Variants in SLC7A9 observed in about 807,000 individuals in gnomAD.
SLC7A9 encodes the protein B(0,+)-type amino acid transporter 1.
Under a neutral mutation model 54.1 loss-of-function variants are expected in SLC7A9, and 38 were observed. The ratio of observed to expected loss-of-function variants is 0.70; its 90% confidence interval spans 0.54 to 0.92. The LOEUF is 0.92. SLC7A9 is among the 40% of genes least tolerant of loss of function. SLC7A9 has a pLI of 0.00. For synonymous variants in SLC7A9, 264 were observed against 258.9 expected (o/e 1.02, Z -0.19); for missense variants, 537 against 636.1 (o/e 0.84, Z 1.68).
At chr19:32,850,712 C>G (rs1001270202) in intron 9 of SLC7A9, among the ~76,000 whole-genome samples, 4 of 152,156 alleles carry the variant, frequency 2.6e-5, no homozygotes, top group Non-Finnish European at 5.9e-5. Flanking sequence ...GCCTGCATTG[C>G]CAAGTCAATC....
chr19:32,836,295 C>T (rs375167431), intron 11 of SLC7A9, among the ~76,000 whole-genome samples: 2 of 152,044 alleles, frequency 1.3e-5, no homozygotes, highest in South Asian at 2.1e-4. Flanking sequence ...GTGATGCAAC[C>T]GCCTTGGCCT....
intron 12 of SLC7A9, among the ~76,000 whole-genome samples, chr19:32,832,431 A>G (rs1172246376): frequency 6.6e-6 from 1 of 151,952 alleles, no homozygotes; most frequent in East Asian, 1.9e-4. Flanking sequence ...TACTAAAAAT[A>G]CAAAAATTAG....
chr19:32,858,768 C>CTTTATTTATTTATTTATTTATTTATTTA (rs71176160), intron 8 of SLC7A9, among the ~76,000 whole-genome samples: 2 of 148,634 alleles, frequency 1.3e-5, no homozygotes, highest in East Asian at 2.1e-4. Context: ...TGGCATAAAT[C>CTTTATTTATTTATTTATTTATTTATTTA]TTTATTTATT....
intron 2 of SLC7A9, among the ~76,000 whole-genome samples, chr19:32,865,761 G>C (rs1332500066): frequency 2.0e-5 from 3 of 152,078 alleles, no homozygotes; most frequent in Non-Finnish European, 4.4e-5. Context: ...ACCTGAGGTT[G>C]GGAGTGGGAG....
intron 8 of SLC7A9, 53 bp downstream of exon 8, chr19:32,859,788 T>TAC: frequency 6.8e-7 from 1 of 1,462,214 alleles, no homozygotes. Context: ...ACACCTGCCT[T>TAC]ACCCCTTCCC....
chr19:32,868,230 CAA>C lies in SLC7A9; in HGVS notation c.87+216_87+217del, dbSNP rs57317909. Among the ~76,000 whole-genome samples, 2,468 of 88,336 alleles carry C rather than the reference CAA, an allele frequency of 0.028. 61 individuals carry two copies. The highest frequency in any genetic ancestry group is 0.091 in the African/African-American group (2,316 of 25,344). The allele number at this position is 88,336 out of a possible 152,430, so 58.0% of individuals were successfully genotyped here. ...TGGGTGACAGAGCAACACTCCATCT[CAA>C]AAAAAAAAAAAAAAAAAAGAAGATG... On this transcript the variant is annotated intron_variant, in intron 2 of 12. Coordinates refer to ENST00000023064, the MANE Select transcript of SLC7A9 (RefSeq NM_014270.5).
In SLC7A9 at chr19:32,862,193, G is replaced by T; in HGVS notation, c.629C>A (p.Ser210Tyr). 1.9e-6 allele frequency: 3 copies of T among 1,613,900 alleles called. No individual in the cohort carries two copies. The highest frequency in any genetic ancestry group is 2.5e-6 in the Non-Finnish European group (3 of 1,179,792). Residue 210 changes from serine (S) to tyrosine (Y), a missense_variant, in exon 6 of 13, where the codon TCT (serine) becomes TAT (tyrosine). Ser to Tyr is a moderately radical substitution (Grantham distance 144). Coordinates refer to ENST00000023064, the MANE Select transcript of SLC7A9 (RefSeq NM_014270.5). Reference sequence around the variant, plus strand: ...CACAGACAGCTGGGCGCCCTCGAAAGAATTATCAAAATTCTTTGTGTTTCC... The same window carrying T: ...CACAGACAGCTGGGCGCCCTCGAAATAATTATCAAAATTCTTTGTGTTTCC... ...AQGNTKNFDN[S>Y]FEGAQLSVGA...
At chr19:32,867,929 CAAAAAAAAAAAA>C (rs57446079) in intron 2 of SLC7A9, among the ~76,000 whole-genome samples, 2 of 66,006 alleles carry the variant, frequency 3.0e-5, no homozygotes, top group African/African-American at 9.6e-5. Flanking sequence ...GACTCTGTCT[CAAAAAAAAAAAA>C]AAAAAAAAAA....
chr19:32,864,708 G>C lies in SLC7A9; in HGVS notation c.156C>G (p.Pro52=). The change falls in exon 3 of 13, where the codon CCC becomes CCG. Residue 52 remains proline (P), a synonymous_variant. Transcript: ENST00000023064. The part of the protein sequence containing the change: ...TIIGSGIFVS[P]KSVLSNTEAV... ...CTTCCGTGTTGCTGAGCACAGACTT[G>C]GGGGAAACGAAGATCCCAGAGCCAA... 1 of 1,614,168 alleles carries C rather than the reference G, an allele frequency of 6.2e-7. No individual in the cohort carries two copies. The highest frequency in any genetic ancestry group is 8.5e-7 in the Non-Finnish European group (1 of 1,180,022).
intron 2 of SLC7A9, among the ~76,000 whole-genome samples, chr19:32,867,998 C>A (rs376440276): frequency 7.0e-6 from 1 of 143,446 alleles, no homozygotes; most frequent in Non-Finnish European, 1.5e-5. Context: ...AATCCCAGCA[C>A]TTTGGGAGGA....
chr19:32,845,935 C>T (rs1968277367), intron 9 of SLC7A9, among the ~76,000 whole-genome samples: 1 of 152,104 alleles, frequency 6.6e-6, no homozygotes, highest in Admixed American at 6.6e-5. Context: ...ACCTAGGAGG[C>T]AGAAGTTGCA....
Position 32,859,885 on chromosome 19 carries a change from C to T in SLC7A9, c.829G>A (p.Val277Met), listed in dbSNP as rs147344717. ...YILMNVSYFT[V>M]MTATELLQSQ... ...TGCAGGAGTTCGGTGGCAGTCATCA[C>T]GGTGAAGTAGGACACGTTCATGAGG... The change falls in exon 8 of 13, where the codon GTG becomes ATG. Residue 277 changes from valine (V) to methionine (M), a missense_variant. Physicochemically the swap from Val to Met is conservative, Grantham distance 21. Coordinates refer to ENST00000023064, the MANE Select transcript of SLC7A9 (RefSeq NM_014270.5). 486 of 1,614,180 alleles carry T rather than the reference C, an allele frequency of 3.0e-4. 2 individuals are homozygous for T. The East Asian group carries it at 4.6e-3, about 15-fold the overall frequency.
At chr19:32,847,027 C>G (rs991007865) in intron 9 of SLC7A9, among the ~76,000 whole-genome samples, 4 of 152,162 alleles carry the variant, frequency 2.6e-5, no homozygotes, top group Non-Finnish European at 5.9e-5. Flanking sequence ...ACACCAAAAA[C>G]CCATCTGTAC....
intron 9 of SLC7A9, among the ~76,000 whole-genome samples, chr19:32,852,542 A>G (rs756030581): frequency 2.0e-5 from 3 of 152,160 alleles, no homozygotes; most frequent in African/African-American, 4.8e-5. Context: ...TAAAGGTCAC[A>G]TACTCTAATT....
chr19:32,837,406 G>C (rs1460883661), intron 11 of SLC7A9, among the ~76,000 whole-genome samples: 1 of 149,760 alleles, frequency 6.7e-6, no homozygotes. Flanking sequence ...GAGGTGGGAG[G>C]ATCGCTTGAG....
chr19:32,859,973 G>A lies in SLC7A9; in HGVS notation c.750-9C>T, dbSNP rs1968749251. On this transcript the variant is annotated splice_polypyrimidine_tract_variant and intron_variant, in intron 7 of 12. Coordinates refer to ENST00000023064, the MANE Select transcript of SLC7A9 (RefSeq NM_014270.5). Reference sequence around the variant, plus strand: ...TGGCCAAAGGCAGGTTTCTGGGAGGGGCAATGACACGGAGACCCACGTTCA... The same window carrying A: ...TGGCCAAAGGCAGGTTTCTGGGAGGAGCAATGACACGGAGACCCACGTTCA... 1.2e-6 allele frequency: 2 copies of A among 1,613,992 alleles called. No homozygotes were observed. Among genetic ancestry groups the A allele is most frequent in the South Asian group, 2.2e-5 (2 of 91,078 alleles).
intron 9 of SLC7A9, among the ~76,000 whole-genome samples, chr19:32,845,909 C>A (rs770716476): frequency 6.6e-6 from 1 of 152,130 alleles, no homozygotes; most frequent in Admixed American, 6.5e-5. Flanking sequence ...GAGGCTGAGG[C>A]AGGAGAATCA....
Position 32,858,404 on chromosome 19 carries a change from CT to C in SLC7A9, c.977+35del, listed in dbSNP as rs368592012. 12 of 1,454,588 alleles carry C rather than the reference CT, an allele frequency of 8.2e-6. No homozygotes were observed. In the African/African-American group the frequency reaches 1.7e-4, roughly 20 times the overall value. 90.1% of individuals were successfully genotyped at this position (1,454,588 alleles called of 1,614,324 possible). ...GGGGGTGATATTGCTTTCGCCGCCC[CT>C]GTCCACCCTGGGAGTGACGGTGGGG... On this transcript the variant is annotated intron_variant, in intron 9 of 12. Coordinates refer to ENST00000023064, the MANE Select transcript of SLC7A9 (RefSeq NM_014270.5).
chr19:32,830,609 G>A lies in SLC7A9; in HGVS notation c.*11C>T. Reference sequence around the variant, plus strand: ...AAATTCAGCTGACTTGGCTACAAGAGACGGAGCTTGTTACTCAGGGTCTTC... The same window carrying A: ...AAATTCAGCTGACTTGGCTACAAGAAACGGAGCTTGTTACTCAGGGTCTTC... On this transcript the variant is annotated 3_prime_UTR_variant, in exon 13 of 13. Transcript: ENST00000023064. 6.2e-7 allele frequency: 1 copy of A among 1,607,060 alleles called. No individual in the cohort carries two copies. The highest frequency in any genetic ancestry group is 8.5e-7 in the Non-Finnish European group (1 of 1,173,498).
Sources: allele counts gnomAD v4.1 joint callset (sites outside exome capture counted in the v4.1 genomes callset), GRCh38; gene constraint gnomAD v4.1.1; transcripts MANE v1.5; gene names NCBI Gene and HGNC (gene_info 2026-07-23, HGNC 2026-07-21).